Variants in KIF5C observed in about 807,000 individuals in gnomAD.
KIF5C encodes kinesin family member 5C, also known as kinesin heavy chain isoform 5C.
Under a neutral mutation model 125.2 loss-of-function variants are expected in KIF5C, and 18 were observed. The ratio of observed to expected loss-of-function variants is 0.14; its 90% CI spans 0.10 to 0.21. KIF5C has a LOEUF of 0.21. Ranked by LOEUF, KIF5C falls within the 10% of genes least tolerant of loss-of-function variation. KIF5C has a pLI of 1.00. For synonymous variants in KIF5C, 405 were observed against 434.0 expected (o/e 0.93, Z 0.83); for missense variants, 780 against 1,183.8 (o/e 0.66, Z 5.01).
intron 11 of KIF5C, among the ~76,000 whole-genome samples, chr2:148,969,792 G>A (rs897341535): frequency 1.3e-5 from 2 of 152,194 alleles, no homozygotes; most frequent in African/African-American, 2.4e-5. Flanking sequence ...TTGCCATGGA[G>A]ACAGATAACC....
intron 1 of KIF5C, among the ~76,000 whole-genome samples, chr2:148,920,827 C>T (rs1277385094): frequency 2.0e-5 from 3 of 152,224 alleles, no homozygotes; most frequent in African/African-American, 7.2e-5. Context: ...AGGAGTCCCA[C>T]TGTCCTTGGG....
At chr2:148,991,329 G>T in intron 16 of KIF5C, 131 bp downstream of exon 16, 1 of 1,412,850 alleles carries the variant, frequency 7.1e-7, no homozygotes, top group Non-Finnish European at 9.3e-7. Context: ...GGCCTCCCCA[G>T]GTGATGGCAG....
intron 1 of KIF5C, chr2:148,878,343 T>G (rs1458134574): frequency 6.6e-6 from 1 of 152,220 alleles, no homozygotes; most frequent in African/African-American, 2.4e-5. Flanking sequence ...GAGTATGTTC[T>G]CTTTTGTGTG....
At chr2:148,930,107 A>C (rs1311785646) in intron 3 of KIF5C, among the ~76,000 whole-genome samples, 3 of 151,882 alleles carry the variant, frequency 2.0e-5, no homozygotes, top group Non-Finnish European at 4.4e-5. Context: ...ATGGGGCTGG[A>C]CTCTCCATTG....
chr2:148,997,406 G>C (rs763659025), intron 18 of KIF5C, 66 bp downstream of exon 18: 154 of 1,607,320 alleles, frequency 9.6e-5, no homozygotes, highest in Non-Finnish European at 1.3e-4. Flanking sequence ...GGAAATGCTT[G>C]TTCTAGGAAA....
At chr2:148,981,997 CT>C (rs1224935286) in intron 14 of KIF5C, among the ~76,000 whole-genome samples, 3 of 152,200 alleles carry the variant, frequency 2.0e-5, no homozygotes, top group Non-Finnish European at 4.4e-5. Flanking sequence ...ATGTAAAGCA[CT>C]TAGCACAGAT....
At chr2:148,929,843 TA>T (rs1353286593) in intron 3 of KIF5C, among the ~76,000 whole-genome samples, 2 of 152,146 alleles carry the variant, frequency 1.3e-5, no homozygotes, top group African/African-American at 2.4e-5. Context: ...TAAGCAATGT[TA>T]AAAATTGGAT....
intron 1 of KIF5C, among the ~76,000 whole-genome samples, chr2:148,884,908 G>C (rs1039674510): frequency 1.4e-4 from 22 of 152,130 alleles, no homozygotes; most frequent in African/African-American, 5.1e-4. Flanking sequence ...AGCACACACG[G>C]GGCCATCAGG....
chr2:148,928,722 C>A (rs948367361), intron 2 of KIF5C, among the ~76,000 whole-genome samples: 3 of 152,134 alleles, frequency 2.0e-5, no homozygotes, highest in South Asian at 4.1e-4. Context: ...AGTTTCTGGG[C>A]TGATTGGATT....
At chr2:148,989,756 A>G (rs1045378392) in intron 15 of KIF5C, among the ~76,000 whole-genome samples, 1 of 151,964 alleles carries the variant, frequency 6.6e-6, no homozygotes, top group Non-Finnish European at 1.5e-5. Flanking sequence ...AGCCTTTTCT[A>G]TATGTGTGTT....
intron 25 of KIF5C, among the ~76,000 whole-genome samples, chr2:149,014,653 A>G (rs773833059): frequency 1.3e-5 from 2 of 152,230 alleles, no homozygotes; most frequent in Non-Finnish European, 2.9e-5. Context: ...AGAAGGCTTA[A>G]ATGAGGTCAT....
chr2:148,926,915 C>A (rs1433550225), intron 2 of KIF5C, among the ~76,000 whole-genome samples: 1 of 152,074 alleles, frequency 6.6e-6, no homozygotes, highest in Non-Finnish European at 1.5e-5. Flanking sequence ...ACTTTCAGGG[C>A]CGTGATTGTA....
chr2:148,947,197 T>G, intron 8 of KIF5C, 174 bp downstream of exon 8: 1 of 971,536 alleles, frequency 1.0e-6, no homozygotes, highest in East Asian at 2.8e-5. Flanking sequence ...TCTTTTCTGG[T>G]CCTGAGGTCT....
At chr2:149,009,628 C>A (rs993443211) in intron 23 of KIF5C, among the ~76,000 whole-genome samples, 2 of 152,158 alleles carry the variant, frequency 1.3e-5, no homozygotes, top group Admixed American at 1.3e-4. Flanking sequence ...CCTCCTCTTA[C>A]CTTAGCCTCT....
At chr2:148,894,087 G>T (rs1681776232) in intron 1 of KIF5C, among the ~76,000 whole-genome samples, 1 of 152,188 alleles carries the variant, frequency 6.6e-6, no homozygotes, top group Admixed American at 6.5e-5. Flanking sequence ...AAAGGATTAT[G>T]GAGCATGAAA....
Position 148,998,274 on chromosome 2 carries a change from C to T in KIF5C, c.2101-126C>T, listed in dbSNP as rs1292010159. ...CCTGGGGGCAAAACAGCCAGAAATG[C>T]CCCCAGTTTTGGGATCTGACATCTG... On this transcript the variant is annotated intron_variant, in intron 18 of 25. Coordinates refer to ENST00000435030, the MANE Select transcript of KIF5C (RefSeq NM_004522.3). The T allele has an allele frequency of 4.9e-6, 7 of 1,435,096 alleles. No individual in the cohort carries two copies. The East Asian group carries it at 1.5e-4, about 31-fold the overall frequency. The allele number at this position is 1,435,096 out of a possible 1,614,324, so 88.9% of individuals were successfully genotyped here.
intron 12 of KIF5C, among the ~76,000 whole-genome samples, chr2:148,978,161 G>A (rs1314284703): frequency 6.6e-6 from 1 of 152,046 alleles, no homozygotes; most frequent in African/African-American, 2.4e-5. Context: ...GCCTGCACTG[G>A]GGGTGGACTG....
chr2:148,921,197 A>C (rs1681772610), intron 1 of KIF5C, among the ~76,000 whole-genome samples: 1 of 152,158 alleles, frequency 6.6e-6, no homozygotes, highest in Admixed American at 6.5e-5. Context: ...TGCACGGTGG[A>C]GTTTCTTCCC....
intron 12 of KIF5C, among the ~76,000 whole-genome samples, chr2:148,976,242 T>TA (rs1681064609): frequency 6.9e-6 from 1 of 144,872 alleles, no homozygotes; most frequent in Non-Finnish European, 1.5e-5. Context: ...GCATATTATT[T>TA]TGTTTTATTT....
Sources: allele counts gnomAD v4.1 joint callset (sites outside exome capture counted in the v4.1 genomes callset), GRCh38; gene constraint gnomAD v4.1.1; transcripts MANE v1.5; gene names NCBI Gene and HGNC (gene_info 2026-07-23, HGNC 2026-07-21).